MBNL1: variants seen among roughly 807,000 people sequenced by gnomAD.
MBNL1 encodes muscleblind-like protein 1.
MBNL1 carries 8 observed loss-of-function variants against 42.2 expected under a neutral mutation model. The ratio of observed to expected loss-of-function variants is 0.19; its 90% CI spans 0.11 to 0.34. The LOEUF is 0.34. Among genes scored for constraint, MBNL1 ranks in the 10% least tolerant of loss-of-function variants. The probability of loss-of-function intolerance (pLI) is 1.00; values close to 1 mark genes in which losing one functional copy is unlikely to be tolerated. For synonymous variants in MBNL1, 169 were observed against 173.9 expected (o/e 0.97, Z 0.22); for missense variants, 309 against 495.3 (o/e 0.62, Z 3.57).
intron 2 of MBNL1, among the ~76,000 whole-genome samples, chr3:152,401,357 G>T (rs1256460527): frequency 6.6e-6 from 1 of 152,160 alleles, no homozygotes; most frequent in Non-Finnish European, 1.5e-5. Context: ...TCTTTAGTAA[G>T]TGACATTTGA....
chr3:152,302,951 A>C (rs2061341738), intron 2 of MBNL1, among the ~76,000 whole-genome samples: 1 of 151,972 alleles, frequency 6.6e-6, no homozygotes, highest in Non-Finnish European at 1.5e-5. Flanking sequence ...GCTGCTTCAG[A>C]CTTTGGCCAG....
At chr3:152,405,834 A>G (rs2098414457) in intron 2 of MBNL1, among the ~76,000 whole-genome samples, 1 of 152,202 alleles carries the variant, frequency 6.6e-6, no homozygotes, top group Non-Finnish European at 1.5e-5. Flanking sequence ...TTTATTATGT[A>G]AATGTTAGGG....
intron 3 of MBNL1, among the ~76,000 whole-genome samples, chr3:152,427,841 T>G (rs951024171): frequency 3.3e-5 from 5 of 151,368 alleles, no homozygotes; most frequent in African/African-American, 1.2e-4. Context: ...AAATCTAGAA[T>G]AATATGACTT....
intron 2 of MBNL1, chr3:152,302,098 A>AGAAC (rs1451200359): frequency 6.6e-6 from 1 of 152,174 alleles, no homozygotes; most frequent in East Asian, 1.9e-4. Context: ...TTATGGCCAC[A>AGAAC]GAACAGTCCC....
intron 4 of MBNL1, among the ~76,000 whole-genome samples, chr3:152,434,478 A>G (rs950768524): frequency 7.2e-5 from 11 of 152,070 alleles, no homozygotes; most frequent in Non-Finnish European, 4.4e-5. Flanking sequence ...AGTTGATTCT[A>G]TGTTTTGCTA....
chr3:152,257,509 A>AG (rs1422753695), intron 2 of MBNL1, among the ~76,000 whole-genome samples: 1 of 152,054 alleles, frequency 6.6e-6, no homozygotes, highest in Non-Finnish European at 1.5e-5. Context: ...AAAAAAAAAA[A>AG]TCTCTCAAAA....
chr3:152,346,242 A>T (rs1250650950), intron 2 of MBNL1, among the ~76,000 whole-genome samples: 1 of 152,128 alleles, frequency 6.6e-6, no homozygotes, highest in Non-Finnish European at 1.5e-5. Flanking sequence ...TGTTTGCAGT[A>T]GTATAGTGCC....
At chr3:152,273,328 A>G (rs1245831613) in intron 1 of MBNL1, among the ~76,000 whole-genome samples, 1 of 152,202 alleles carries the variant, frequency 6.6e-6, no homozygotes, top group Non-Finnish European at 1.5e-5. Context: ...ATTATAAAAA[A>G]TAAACGTTTA....
intron 3 of MBNL1, among the ~76,000 whole-genome samples, chr3:152,418,465 G>C (rs990516796): frequency 5.3e-5 from 8 of 151,914 alleles, no homozygotes; most frequent in African/African-American, 1.9e-4. Context: ...TTGAGGCCAG[G>C]AGTTCAAGAC....
chr3:152,281,180 G>A (rs938489008), intron 1 of MBNL1, among the ~76,000 whole-genome samples: 8 of 152,070 alleles, frequency 5.3e-5, no homozygotes, highest in Non-Finnish European at 1.0e-4. Flanking sequence ...CTATCTTTCT[G>A]GCTCCCAAGT....
At chr3:152,421,385 A>T (rs568119316) in intron 3 of MBNL1, among the ~76,000 whole-genome samples, 1 of 152,112 alleles carries the variant, frequency 6.6e-6, no homozygotes, top group Non-Finnish European at 1.5e-5. Context: ...TCCCACCCCC[A>T]TGGAGCCCAA....
intron 2 of MBNL1, among the ~76,000 whole-genome samples, chr3:152,407,075 G>C (rs1330434311): frequency 6.6e-6 from 1 of 151,352 alleles, no homozygotes; most frequent in Admixed American, 6.6e-5. Context: ...GTGTGTGTTT[G>C]TGTGAACTTT....
intron 2 of MBNL1, among the ~76,000 whole-genome samples, chr3:152,378,480 C>T (rs1042320815): frequency 2.6e-5 from 4 of 152,124 alleles, no homozygotes; most frequent in Admixed American, 2.6e-4. Flanking sequence ...TGCTACCTCT[C>T]TATATTTATT....
chr3:152,364,065 T>C (rs1036700456), intron 2 of MBNL1, among the ~76,000 whole-genome samples: 4 of 152,116 alleles, frequency 2.6e-5, no homozygotes, highest in Admixed American at 6.6e-5. Context: ...TGCATTTTTT[T>C]CCCTACAATA....
intron 2 of MBNL1, among the ~76,000 whole-genome samples, chr3:152,358,286 ATATTT>A (rs1375229841): frequency 6.6e-6 from 1 of 152,182 alleles, no homozygotes; most frequent in African/African-American, 2.4e-5. Flanking sequence ...TTGATTAGTG[ATATTT>A]TATTAAAGGT....
At chr3:152,452,702 T>G (rs914663260) in intron 6 of MBNL1, among the ~76,000 whole-genome samples, 1 of 152,154 alleles carries the variant, frequency 6.6e-6, no homozygotes, top group African/African-American at 2.4e-5. Flanking sequence ...GCCACTTCAA[T>G]CTTGAGGAAT....
At chr3:152,258,104 A>C (rs1225462309) in intron 2 of MBNL1, among the ~76,000 whole-genome samples, 1 of 152,214 alleles carries the variant, frequency 6.6e-6, no homozygotes, top group East Asian at 1.9e-4. Context: ...TCTTGTAGAA[A>C]ATAGCTATAT....
At chr3:152,305,736 G>A (rs1379637432) in intron 2 of MBNL1, among the ~76,000 whole-genome samples, 1 of 152,210 alleles carries the variant, frequency 6.6e-6, no homozygotes. Context: ...TATTAGGATA[G>A]TAATTTCTTT....
intron 2 of MBNL1, among the ~76,000 whole-genome samples, chr3:152,391,517 T>G (rs2097716208): frequency 6.6e-6 from 1 of 152,182 alleles, no homozygotes. Context: ...ACTTGGTCCA[T>G]AAAGCTTTCC....
Sources: allele counts gnomAD v4.1 joint callset (sites outside exome capture counted in the v4.1 genomes callset), GRCh38; gene constraint gnomAD v4.1.1; transcripts MANE v1.5; gene names NCBI Gene and HGNC (gene_info 2026-07-23, HGNC 2026-07-21).